PALM2AKAP2: variants seen among roughly 807,000 people sequenced by gnomAD.
The protein encoded by PALM2AKAP2 is PALM2 and AKAP2 fusion.
PALM2AKAP2 carries 37 observed loss-of-function variants against 71.5 expected under a neutral mutation model. The observed-to-expected ratio is 0.52, with a 90% CI of 0.40 to 0.68. The LOEUF is 0.68. Ranked by LOEUF, PALM2AKAP2 falls within the 30% of genes least tolerant of loss-of-function variation. The pLI is 0.00. For synonymous variants in PALM2AKAP2, 468 were observed against 478.8 expected, an observed-to-expected ratio of 0.98 and a Z score of 0.29; for missense variants, 1,224 against 1,191.8, an observed-to-expected ratio of 1.03 and a Z score of -0.40.
At chr9:110,073,292 C>T (rs1220447545) in intron 1 of PALM2AKAP2, among the ~76,000 whole-genome samples, 3 of 152,150 alleles carry the variant, frequency 2.0e-5, no homozygotes, top group Non-Finnish European at 4.4e-5. Flanking sequence ...AAATAAGAAG[C>T]TTAAGTAAAA....
chr9:110,096,872 G>A (rs1016184738), intron 1 of PALM2AKAP2, among the ~76,000 whole-genome samples: 1 of 152,004 alleles, frequency 6.6e-6, no homozygotes, highest in Non-Finnish European at 1.5e-5. Flanking sequence ...TAGCATGAAT[G>A]ATGTAATAAA....
At chr9:110,048,570 A>AGGGGAGGGGG (rs200960294), upstream of PALM2AKAP2, 2 of 700,264 alleles carry the variant, frequency 2.9e-6, no homozygotes, top group Non-Finnish European at 3.9e-6. Flanking sequence ...AGGGGAGGGG[A>AGGGGAGGGGG]GGGAGGGGCG....
intron 7 of PALM2AKAP2, chr9:110,024,827 T>C (rs1244312103): frequency 1.5e-6 from 1 of 666,338 alleles, no homozygotes; most frequent in Non-Finnish European, 2.6e-6. Flanking sequence ...GGTTTTTTGT[T>C]TTTTTTTTTT....
At chr9:109,664,578 C>T (rs1004831146) in intron 1 of PALM2AKAP2, among the ~76,000 whole-genome samples, 1 of 152,208 alleles carries the variant, frequency 6.6e-6, no homozygotes, top group African/African-American at 2.4e-5. Flanking sequence ...TGATGGGCTT[C>T]CCTTTGTGGG....
intron 1 of PALM2AKAP2, among the ~76,000 whole-genome samples, chr9:109,860,125 G>A (rs1437503322): frequency 6.6e-6 from 1 of 152,234 alleles, no homozygotes; most frequent in East Asian, 1.9e-4. Flanking sequence ...GAACAGGGAT[G>A]TGTCTGCTGA....
intron 1 of PALM2AKAP2, among the ~76,000 whole-genome samples, chr9:110,091,403 GGTGT>G (rs71373965): frequency 7.6e-5 from 11 of 144,844 alleles, no homozygotes; most frequent in Non-Finnish European, 1.7e-4. Context: ...TGGTGGTTGG[GGTGT>G]GTGTGTGTGT....
chr9:109,860,459 C>T (rs1009174500), intron 1 of PALM2AKAP2, among the ~76,000 whole-genome samples: 1 of 152,112 alleles, frequency 6.6e-6, no homozygotes, highest in Admixed American at 6.5e-5. Flanking sequence ...CCTAGGTATC[C>T]TGGCAATCCA....
At chr9:109,826,713 G>A (rs1440257269) in intron 1 of PALM2AKAP2, among the ~76,000 whole-genome samples, 1 of 152,144 alleles carries the variant, frequency 6.6e-6, no homozygotes, top group Non-Finnish European at 1.5e-5. Flanking sequence ...GAATATTTGT[G>A]AGGAAAATTG....
intron 1 of PALM2AKAP2, 80 bp from the exon 8 acceptor site, chr9:110,136,047 A>G (rs1475612): frequency 0.95 from 1,404,672 of 1,474,814 alleles, 669,222 homozygotes; most frequent in East Asian, 1. Flanking sequence ...CTTCCTCTTA[A>G]TTATGAGTCA....
intron 1 of PALM2AKAP2, among the ~76,000 whole-genome samples, chr9:110,084,545 A>G (rs1834517648): frequency 6.6e-6 from 1 of 152,192 alleles, no homozygotes; most frequent in South Asian, 2.1e-4. Flanking sequence ...ACCCAAATCT[A>G]CAGATGGTCC....
intron 3 of PALM2AKAP2, among the ~76,000 whole-genome samples, chr9:109,906,601 A>G (rs1404556014): frequency 6.6e-6 from 1 of 152,240 alleles, no homozygotes. Context: ...TCATTATACT[A>G]TAAAAATCAA....
chr9:109,716,803 T>C (rs239), intron 1 of PALM2AKAP2, among the ~76,000 whole-genome samples: 39,619 of 152,124 alleles, frequency 0.26, 5,282 homozygotes, highest in East Asian at 0.38. Context: ...AGGTCCCACA[T>C]GTGTACATCT....
At chr9:109,887,916 T>G (rs1830003281) in intron 3 of PALM2AKAP2, among the ~76,000 whole-genome samples, 2 of 152,110 alleles carry the variant, frequency 1.3e-5, no homozygotes, top group Admixed American at 1.3e-4. Context: ...GTAATGTGAT[T>G]CTCCCTCCTC....
intron 6 of PALM2AKAP2, among the ~76,000 whole-genome samples, chr9:109,954,438 AC>A (rs1193515487): frequency 1.4e-5 from 2 of 147,044 alleles, no homozygotes; most frequent in African/African-American, 5.0e-5. Flanking sequence ...TATCAACAGC[AC>A]AAAAAAGCAA....
At chr9:110,016,858 T>C (rs1453671148) in intron 7 of PALM2AKAP2, among the ~76,000 whole-genome samples, 1 of 152,216 alleles carries the variant, frequency 6.6e-6, no homozygotes, top group African/African-American at 2.4e-5. Flanking sequence ...TAATGTCTTA[T>C]TTTATATAGA....
At chr9:109,753,416 TTCCAAAAGCATAC>T (rs1828912954) in intron 1 of PALM2AKAP2, among the ~76,000 whole-genome samples, 1 of 152,152 alleles carries the variant, frequency 6.6e-6, no homozygotes, top group Non-Finnish European at 1.5e-5. Context: ...TTTTTCCAGC[TTCCAAAAGCATAC>T]TCGAGGAAAG....
chr9:110,088,439 A>G (rs1834622009), intron 1 of PALM2AKAP2, among the ~76,000 whole-genome samples: 1 of 152,238 alleles, frequency 6.6e-6, no homozygotes, highest in African/African-American at 2.4e-5. Context: ...GGTTGTGGGA[A>G]GGGAGCAATC....
chr9:110,166,197 C>T (rs1240654401), intron 3 of PALM2AKAP2, among the ~76,000 whole-genome samples: 2 of 152,076 alleles, frequency 1.3e-5, no homozygotes, highest in African/African-American at 4.8e-5. Context: ...CATACATTGC[C>T]TCATTGATTT....
At chr9:109,680,874 C>T (rs935748384) in intron 1 of PALM2AKAP2, among the ~76,000 whole-genome samples, 3 of 152,040 alleles carry the variant, frequency 2.0e-5, no homozygotes, top group African/African-American at 4.8e-5. Context: ...AAATTCCATT[C>T]GAGATTAATG....
Sources: gnomAD v4.1 joint callset for allele counts (sites outside exome capture counted in the v4.1 genomes callset) on GRCh38, gnomAD v4.1.1 for gene constraint, MANE v1.5 for transcripts, NCBI Gene and HGNC (gene_info 2026-07-23, HGNC 2026-07-21) for gene names.